HPSE2: variants seen among roughly 807,000 people sequenced by gnomAD.
HPSE2 encodes heparanase 2 (inactive).
Under a neutral mutation model 60.5 loss-of-function variants are expected in HPSE2, and 38 were observed. That is an observed-to-expected ratio of 0.63 (90% CI 0.48 to 0.82). The LOEUF is 0.82. HPSE2 is among the 40% of genes least tolerant of loss of function. The pLI, the probability that HPSE2 is intolerant of heterozygous loss-of-function variation, is 0.00. For missense variants in HPSE2, 713 were observed against 740.4 expected, an observed-to-expected ratio of 0.96 and a Z score of 0.43; for synonymous variants, 295 against 293.2, an observed-to-expected ratio of 1.01 and a Z score of -0.06.
the HPSE2 span, among the ~76,000 whole-genome samples, chr10:99,313,680 A>G: frequency 1.5e-5 from 2 of 132,286 alleles, no homozygotes; most frequent in East Asian, 4.7e-4. Flanking sequence ...GCTCACTGCA[A>G]CCTCCATCTC....
rs149631035 is a variant in HPSE2, at chr10:98,588,990, T to C, written c.1320+25914A>G. Among the ~76,000 whole-genome samples, 7 of 152,306 alleles carry C rather than the reference T, an allele frequency of 4.6e-5. No individual in the cohort carries two copies. The East Asian group carries it at 1.4e-3, about 29-fold the overall frequency. The stretch of plus-strand genomic sequence containing the variant: ...TGTTGTTGTAGTTATTGTGATTTTG[T>C]TATTTCCAAGCAGAGTTAGGGGCTC... On this transcript the variant is annotated intron_variant, in intron 9 of 11. Coordinates refer to ENST00000370552, the MANE Select transcript of HPSE2 (RefSeq NM_021828.5).
chr10:99,272,661 T>C, the HPSE2 span, among the ~76,000 whole-genome samples: 1 of 108,134 alleles, frequency 9.2e-6, no homozygotes, highest in Non-Finnish European at 1.8e-5. Flanking sequence ...TCAACAAACA[T>C]ATGAAAAATT....
intron 3 of HPSE2, among the ~76,000 whole-genome samples, chr10:99,074,189 G>A (rs1309186143): frequency 2.0e-5 from 3 of 151,994 alleles, no homozygotes; most frequent in African/African-American, 7.2e-5. Flanking sequence ...GTTAAATGTG[G>A]GCTTTTCATA....
At position 98,944,526 on chromosome 10, in the gene HPSE2, G is replaced by A. The variant is rs17094113; in HGVS notation, c.610+199712C>T. On this transcript the variant is annotated intron_variant, in intron 3 of 11. Transcript: ENST00000370552. ...TTTTGAGGGACAAGCTATTGGTAGC[G>A]CACCTTCTCAGTCTGGAAAGCAACC... 8.0e-3 allele frequency among the ~76,000 whole-genome samples: 1,225 copies of A among 152,242 alleles called. 20 individuals are homozygous for A. Among genetic ancestry groups the A allele is most frequent in the African/African-American group, 0.028 (1,170 of 41,536 alleles).
chr10:98,661,140 C>A (rs1013980981), intron 6 of HPSE2, among the ~76,000 whole-genome samples: 3 of 152,190 alleles, frequency 2.0e-5, no homozygotes, highest in African/African-American at 7.2e-5. Flanking sequence ...AAGCCCGATG[C>A]AGGCTGAGAA....
intron 3 of HPSE2, among the ~76,000 whole-genome samples, chr10:98,807,385 A>C (rs1209635860): frequency 6.6e-6 from 1 of 152,230 alleles, no homozygotes; most frequent in African/African-American, 2.4e-5. Flanking sequence ...CTTACTCTTT[A>C]AATCAGACAT....
At chr10:99,153,605 T>C (rs1246616023) in intron 2 of HPSE2, among the ~76,000 whole-genome samples, 1 of 151,860 alleles carries the variant, frequency 6.6e-6, no homozygotes, top group South Asian at 2.1e-4. Flanking sequence ...CATCTGTACA[T>C]CACCATCATC....
chr10:98,653,550 C>T (rs1946977048), intron 6 of HPSE2, among the ~76,000 whole-genome samples: 1 of 150,996 alleles, frequency 6.6e-6, no homozygotes, highest in Non-Finnish European at 1.5e-5. Flanking sequence ...CTAGAATTTC[C>T]AATATACATT....
In HPSE2 at chr10:99,235,759, T is replaced by C. The variant is rs199876526; in HGVS notation, c.44A>G (p.Asn15Ser). ...GGCTAGGCACGCGGGGGGGCGGGAG[T>C]TGCTGGAGGGCATGGCTTCAGGGAA... ...CAFPEAMPSSNSRPPACLAPG... is the reference protein window; with the variant it reads ...CAFPEAMPSSSSRPPACLAPG... Residue 15 changes from asparagine (N) to serine (S), a missense_variant, in exon 1 of 12, where the codon AAC becomes AGC. By Grantham distance (46) the Asn-to-Ser change is conservative. Coordinates refer to ENST00000370552, the MANE Select transcript of HPSE2 (RefSeq NM_021828.5). 8.1e-6 allele frequency: 13 copies of C among 1,611,786 alleles called. No individual in the cohort carries two copies. In the African/African-American group the frequency reaches 1.6e-4, roughly 20 times the overall value.
rs73323790 is a variant in HPSE2, at chr10:98,731,729, G to A, written c.785-9901C>T. On this transcript the variant is annotated intron_variant, in intron 4 of 11. Transcript: ENST00000370552. Reference sequence around the variant, plus strand: ...GACTAAGGAGAAGACAAGGATGTCTGCTCTTGCCACTTAAGAGTCAACATT... The same window carrying A: ...GACTAAGGAGAAGACAAGGATGTCTACTCTTGCCACTTAAGAGTCAACATT... Among the ~76,000 whole-genome samples the A allele has an allele frequency of 2.9e-3, 440 of 152,286 alleles. 2 individuals are homozygous for A. Among genetic ancestry groups the A allele is most frequent in the African/African-American group, 0.01 (417 of 41,548 alleles).
intron 3 of HPSE2, among the ~76,000 whole-genome samples, chr10:99,101,693 A>G (rs1282858491): frequency 1.3e-5 from 2 of 152,226 alleles, no homozygotes; most frequent in African/African-American, 2.4e-5. Flanking sequence ...TCTTCTCAGC[A>G]CCACATCTCA....
intron 6 of HPSE2, among the ~76,000 whole-genome samples, chr10:98,675,573 CACACAA>C (rs1483081230): frequency 1.2e-4 from 18 of 151,568 alleles, no homozygotes; most frequent in Admixed American, 8.5e-4. Flanking sequence ...CACACACACA[CACACAA>C]TAACCAGCCA....
chr10:98,954,942 G>A (rs1955465193), intron 3 of HPSE2, among the ~76,000 whole-genome samples: 1 of 147,662 alleles, frequency 6.8e-6, no homozygotes, highest in Non-Finnish European at 1.5e-5. Context: ...ATACTCAGTG[G>A]ATCTAAGCAT....
At chr10:98,941,413 A>G (rs1047209173) in intron 3 of HPSE2, among the ~76,000 whole-genome samples, 1 of 130,292 alleles carries the variant, frequency 7.7e-6, no homozygotes, top group Non-Finnish European at 1.6e-5. Flanking sequence ...ATGTACAAAA[A>G]TCACAAGCGT....
At chr10:98,647,247 T>G (rs1422746443) in intron 6 of HPSE2, among the ~76,000 whole-genome samples, 1 of 152,224 alleles carries the variant, frequency 6.6e-6, no homozygotes, top group Non-Finnish European at 1.5e-5. Context: ...GTCTTCAGGA[T>G]TGTACTACAA....
chr10:98,809,349 C>A (rs1368006494), intron 3 of HPSE2, among the ~76,000 whole-genome samples: 2 of 151,990 alleles, frequency 1.3e-5, no homozygotes, highest in African/African-American at 4.8e-5. Context: ...TTCCATAATA[C>A]AACCTTTTAA....
At chr10:98,990,383 T>C (rs1956493695) in intron 3 of HPSE2, among the ~76,000 whole-genome samples, 1 of 152,198 alleles carries the variant, frequency 6.6e-6, no homozygotes, top group South Asian at 2.1e-4. Context: ...CAGTTCACAA[T>C]AGGGTTTGTG....
At chr10:98,605,562 A>C (rs1945556244) in intron 9 of HPSE2, among the ~76,000 whole-genome samples, 1 of 152,042 alleles carries the variant, frequency 6.6e-6, no homozygotes. Context: ...CAGAGAGTGT[A>C]AATGGGGATG....
intron 2 of HPSE2, among the ~76,000 whole-genome samples, chr10:99,183,036 T>C (rs1847838001): frequency 6.6e-6 from 1 of 151,864 alleles, no homozygotes; most frequent in South Asian, 2.1e-4. Flanking sequence ...AAACAGAAAG[T>C]GCAGGACAGT....
Sources: allele counts gnomAD v4.1 joint callset (sites outside exome capture counted in the v4.1 genomes callset), GRCh38; gene constraint gnomAD v4.1.1; transcripts MANE v1.5; gene names NCBI Gene and HGNC (gene_info 2026-07-23, HGNC 2026-07-21).